RRP12: variants seen among roughly 807,000 people sequenced by gnomAD.
RRP12 encodes the protein ribosomal RNA processing 12 homolog.
A neutral mutation model predicts 157.3 loss-of-function variants in RRP12; 78 were observed. That is an observed-to-expected ratio of 0.50 (90% CI 0.41 to 0.60). The LOEUF (loss-of-function observed/expected upper bound fraction) is 0.60, where lower values mean the gene tolerates loss of function less well. Ranked by LOEUF, RRP12 falls within the 20% of genes least tolerant of loss-of-function variation. RRP12 has a pLI of 0.00. For missense variants in RRP12, 1,521 were observed against 1,679.9 expected (o/e 0.91, Z 1.65); for synonymous variants, 726 against 670.9 (o/e 1.08, Z -1.27).
At position 97,373,865 on chromosome 10, in the gene RRP12, C is replaced by T; in HGVS notation, c.1828G>A (p.Val610Met). 5.6e-6 allele frequency: 9 copies of T among 1,613,700 alleles called. No homozygotes were observed. The highest frequency in any genetic ancestry group is 7.6e-6 in the Non-Finnish European group (9 of 1,179,920). Residue 610 changes from valine (V) to methionine (M), a missense_variant, in exon 16 of 34, where the codon GTG becomes ATG. Transcript: ENST00000370992. ...AGTGTGTCGTAGATCTTAGATTCCA[C>T]TGTGCTGCCTGCCTGAGCCAGGTCC... is the stretch of plus-strand genomic sequence containing the variant. ...AMDLAQAGSTVESKIYDTLQW... is the reference protein window; with the variant it reads ...AMDLAQAGSTMESKIYDTLQW...
At position 97,372,184 on chromosome 10, in the gene RRP12, A is replaced by G; in HGVS notation, c.2250-18T>C. On this transcript the variant is annotated intron_variant, in intron 19 of 33. Transcript: ENST00000370992. The stretch of plus-strand genomic sequence containing the variant: ...CAGACAATCTGCTCGGGGCAGGAGG[A>G]CAAGGAGAGGGATGGGGAGCTGGAG... The G allele has an allele frequency of 1.2e-6, 2 of 1,604,418 alleles. No individual in the cohort carries two copies. The highest frequency in any genetic ancestry group is 1.7e-6 in the Non-Finnish European group (2 of 1,172,606).
intron 33 of RRP12, among the ~76,000 whole-genome samples, chr10:97,357,568 T>C (rs1222335569): frequency 1.3e-5 from 2 of 152,138 alleles, no homozygotes; most frequent in African/African-American, 4.8e-5. Context: ...TCCAAAGCAG[T>C]CCTACACATA....
intron 6 of RRP12, among the ~76,000 whole-genome samples, chr10:97,389,211 C>T (rs10882919): frequency 6.6e-6 from 1 of 151,614 alleles, no homozygotes; most frequent in Non-Finnish European, 1.5e-5. Flanking sequence ...CTCCTGCCTC[C>T]GCCTCCCGAG....
chr10:97,371,872 G>A, intron 20 of RRP12: 1 of 532,538 alleles, frequency 1.9e-6, no homozygotes, highest in Non-Finnish European at 3.4e-6. Context: ...CCTAAGCACA[G>A]CTGTGCATTT....
chr10:97,392,276 T>C (rs138683543), intron 4 of RRP12, among the ~76,000 whole-genome samples: 33 of 152,116 alleles, frequency 2.2e-4, no homozygotes, highest in African/African-American at 8.0e-4. Context: ...CAGCCAAGTA[T>C]ACTCACATTG....
chr10:97,367,228 C>T, intron 25 of RRP12, 96 bp from the exon 26 acceptor site: 1 of 1,062,100 alleles, frequency 9.4e-7, no homozygotes, highest in Non-Finnish European at 1.4e-6. Context: ...TGATCAAGCC[C>T]AGCTGAGGGG....
At chr10:97,393,258 G>A (rs1589439709) in intron 4 of RRP12, 1 of 455,990 alleles carries the variant, frequency 2.2e-6, no homozygotes, top group African/African-American at 2.0e-5. Flanking sequence ...CCTCAATAAG[G>A]AAAGCACACT....
chr10:97,401,220 C>A lies in RRP12; in HGVS notation c.12G>T (p.Ser4=). The A allele has an allele frequency of 2.5e-6, 4 of 1,614,128 alleles. No homozygotes were observed. Among genetic ancestry groups the A allele is most frequent in the Non-Finnish European group, 3.4e-6 (4 of 1,180,022 alleles). MGR[S]GKLPSGVSAK... ...CTGAGACACCAGAAGGCAACTTTCC[C>A]GAGCGACCCATGTTGACTAAGCCGT... Residue 4 remains serine, a synonymous_variant, in exon 1 of 34, where the codon TCG becomes TCT. Transcript: ENST00000370992.
In RRP12 at chr10:97,371,084, G is replaced by A; in HGVS notation, c.2344-3C>T. 1 of 1,613,004 alleles carries A rather than the reference G, an allele frequency of 6.2e-7. No homozygotes were observed. The highest frequency in any genetic ancestry group is 2.2e-5 in the East Asian group (1 of 44,874). On this transcript the variant is annotated splice_region_variant and splice_polypyrimidine_tract_variant and intron_variant, in intron 20 of 33. Coordinates refer to ENST00000370992, the MANE Select transcript of RRP12 (RefSeq NM_015179.4). ...TTCTGCACCCCGTGGGCCTTGCTCTGGCAGACAGGAACCGGTGAGGGAGGC... is the reference window on the plus strand; with the variant it reads ...TTCTGCACCCCGTGGGCCTTGCTCTAGCAGACAGGAACCGGTGAGGGAGGC...
chr10:97,399,783 T>C (rs1225551569), intron 2 of RRP12, among the ~76,000 whole-genome samples: 1 of 148,378 alleles, frequency 6.7e-6, no homozygotes, highest in Non-Finnish European at 1.5e-5. Context: ...CCGGGCGTGG[T>C]GGCACATGCC....
intron 2 of RRP12, 141 bp downstream of exon 2, chr10:97,400,164 G>T: frequency 1.5e-6 from 1 of 684,988 alleles, no homozygotes; most frequent in Non-Finnish European, 2.6e-6. Flanking sequence ...GCCCTAGGAG[G>T]AGACATAAAG....
rs763410188 is a variant in RRP12, at chr10:97,366,126, C to G, written c.3499G>C (p.Glu1167Gln). 1 of 1,604,740 alleles carries G rather than the reference C, an allele frequency of 6.2e-7. No individual in the cohort carries two copies. The highest frequency in any genetic ancestry group is 1.1e-5 in the South Asian group (1 of 91,046). The change falls in exon 29 of 34, where the codon GAA becomes CAA. Residue 1167 changes from glutamate (E) to glutamine (Q), a missense_variant. By Grantham distance (29) the Glu-to-Gln change is conservative (BLOSUM62 2). Transcript: ENST00000370992. Reference protein sequence around the residue: ...REEADGNKMEEEEGAKGEDEE... With the variant: ...REEADGNKMEQEEGAKGEDEE... ...GGCCCACCTTTGGCACCTTCCTCTT[C>G]CTCCATCTTGTTGCCGTCTGCCTCC...
In RRP12 at chr10:97,366,744, G is replaced by T. The variant is rs1229648332; in HGVS notation, c.3213C>A (p.Asp1071Glu). ...CCATGGCCCTAACATGGTCTCACCTGTCACCTTTGCCCTGGGCGGGCTCCT... is the reference window on the plus strand; with the variant it reads ...CCATGGCCCTAACATGGTCTCACCTTTCACCTTTGCCCTGGGCGGGCTCCT... ...EEEEPAQGKGDSIEEILADSE... is the reference protein window; with the variant it reads ...EEEEPAQGKGESIEEILADSE... The change falls in exon 27 of 34, where the codon GAC (aspartate) becomes GAA (glutamate). Residue 1071 changes from aspartate to glutamate, a missense_variant and splice_region_variant. Physicochemically the swap from Asp to Glu is conservative, Grantham distance 45 (BLOSUM62 2). Transcript: ENST00000370992. The T allele has an allele frequency of 1.9e-6, 3 of 1,613,072 alleles. No individual in the cohort carries two copies. Among genetic ancestry groups the T allele is most frequent in the Admixed American group, 1.7e-5 (1 of 59,952 alleles).
At position 97,358,588 on chromosome 10, in the gene RRP12, C is replaced by T. The variant is rs1217071459; in HGVS notation, c.3740G>A (p.Arg1247Gln). ...KAKGDVKKKG[R>Q]PDPYAYIPLN... is the part of the protein sequence containing the mutation. ...GGGGATGTAGGCATAGGGATCCGGC[C>T]GGCCTTTCTTCTTCACATCACCTTT... The change falls in exon 33 of 34, where the codon CGG (arginine) becomes CAG (glutamine). Residue 1247 changes from arginine (R) to glutamine (Q), a missense_variant. Transcript: ENST00000370992. 1 of 1,613,952 alleles carries T rather than the reference C, an allele frequency of 6.2e-7. No homozygotes were observed. Among genetic ancestry groups the T allele is most frequent in the Non-Finnish European group, 8.5e-7 (1 of 1,179,938 alleles).
chr10:97,391,970 T>G (rs1844817496), intron 4 of RRP12, among the ~76,000 whole-genome samples: 1 of 151,232 alleles, frequency 6.6e-6, no homozygotes, highest in Admixed American at 6.7e-5. Context: ...CGGTATATCA[T>G]TCAGTACTGT....
chr10:97,373,547 AGCC>A, intron 17 of RRP12, 25 bp downstream of exon 17: 1 of 1,567,602 alleles, frequency 6.4e-7, no homozygotes, highest in Non-Finnish European at 8.7e-7. Flanking sequence ...CATCCTCCCC[AGCC>A]CCCACTCCCA....
chr10:97,395,221 C>CACACACACACACAT (rs1844924008), intron 3 of RRP12, among the ~76,000 whole-genome samples: 3 of 152,004 alleles, frequency 2.0e-5, no homozygotes, highest in African/African-American at 7.2e-5. Flanking sequence ...CACACACACA[C>CACACACACACACAT]ACATACATAC....
intron 33 of RRP12, among the ~76,000 whole-genome samples, chr10:97,357,802 C>T (rs1201964441): frequency 6.6e-6 from 1 of 151,424 alleles, no homozygotes; most frequent in African/African-American, 2.4e-5. Flanking sequence ...ACTAAAAATA[C>T]AAAAAAATTA....
At position 97,379,644 on chromosome 10, in the gene RRP12, C is replaced by T; in HGVS notation, c.1660G>A (p.Glu554Lys). 6.2e-7 allele frequency: 1 copy of T among 1,613,982 alleles called. No individual in the cohort carries two copies. Among genetic ancestry groups the T allele is most frequent in the Non-Finnish European group, 8.5e-7 (1 of 1,179,954 alleles). ...CACACTTACTCAGAGCCATCAATTTCCAAAGGCACAGCCTGCAGCACCACC... is the reference window on the plus strand; with the variant it reads ...CACACTTACTCAGAGCCATCAATTTTCAAAGGCACAGCCTGCAGCACCACC... Reference protein sequence around the residue: ...PEVVLQAVPLEIDGSEETLDF... With the variant: ...PEVVLQAVPLKIDGSEETLDF... The change falls in exon 14 of 34, where the codon GAA (glutamate) becomes AAA (lysine). Residue 554 changes from glutamate to lysine, a missense_variant. Physicochemically the swap from Glu to Lys is moderately conservative, Grantham distance 56. Transcript: ENST00000370992.
Sources: gnomAD v4.1 joint callset for allele counts (sites outside exome capture counted in the v4.1 genomes callset) on GRCh38, gnomAD v4.1.1 for gene constraint, MANE v1.5 for transcripts, NCBI Gene and HGNC (gene_info 2026-07-23, HGNC 2026-07-21) for gene names.